The following R3HDM1 variants were observed in gnomAD, a reference collection of about 807,000 sequenced individuals.
The protein encoded by R3HDM1 is R3H domain-containing protein 1.
A neutral mutation model predicts 141.1 loss-of-function variants in R3HDM1; 46 were observed. That is an observed-to-expected ratio of 0.33 (90% CI 0.26 to 0.42). The LOEUF is 0.42. Among genes scored for constraint, R3HDM1 ranks in the 10% least tolerant of loss-of-function variants. The pLI is 1.00. For synonymous variants in R3HDM1, 435 were observed against 472.9 expected, an observed-to-expected ratio of 0.92 and a Z score of 1.04; for missense variants, 1,184 against 1,368.3, an observed-to-expected ratio of 0.87 and a Z score of 2.12.
At chr2:135,612,482 GT>G (rs2060636552) in intron 3 of R3HDM1, among the ~76,000 whole-genome samples, 1 of 151,908 alleles carries the variant, frequency 6.6e-6, no homozygotes, top group African/African-American at 2.4e-5. Context: ...GGATTGCTCT[GT>G]TTTTTTCAGT....
In R3HDM1 at chr2:135,699,045, A is replaced by AGATAGATAGATAGATAGATT. The variant is rs202144929; in HGVS notation, c.2460-10388_2460-10387insGATAGATAGATAGATAGATT. On this transcript the variant is annotated intron_variant, in intron 21 of 26. Coordinates refer to ENST00000683871, the MANE Select transcript of R3HDM1 (RefSeq NM_001378107.1). ...TAGATAGATAGATAGATAGATAGAT[A>AGATAGATAGATAGATAGATT]AGATAGATAAGATAGATTGATTAGA... Among the ~76,000 whole-genome samples, 102 of 129,888 alleles carry AGATAGATAGATAGATAGATT rather than the reference A, an allele frequency of 7.9e-4. 2 individuals are homozygous for AGATAGATAGATAGATAGATT. Among genetic ancestry groups the AGATAGATAGATAGATAGATT allele is most frequent in the Non-Finnish European group, 7.5e-4 (48 of 63,618 alleles). 85.2% of individuals were successfully genotyped at this position (129,888 alleles called of 152,430 possible).
intron 19 of R3HDM1, among the ~76,000 whole-genome samples, chr2:135,674,860 G>T (rs1222501654): frequency 6.6e-6 from 1 of 151,434 alleles, no homozygotes; most frequent in African/African-American, 2.4e-5. Context: ...CATGGGAATG[G>T]AACCTCTGCA....
intron 21 of R3HDM1, among the ~76,000 whole-genome samples, chr2:135,697,096 G>A (rs1258711675): frequency 6.6e-6 from 1 of 152,160 alleles, no homozygotes; most frequent in Non-Finnish European, 1.5e-5. Flanking sequence ...AAATACCTAT[G>A]TTGCACCAGC....
chr2:135,647,134 A>G (rs1162134591), intron 16 of R3HDM1, among the ~76,000 whole-genome samples: 1 of 152,184 alleles, frequency 6.6e-6, no homozygotes, highest in Non-Finnish European at 1.5e-5. Context: ...GAAATCAGTT[A>G]ATGTATGTAG....
At chr2:135,710,269 C>G (rs770086303) in intron 23 of R3HDM1, 38 bp downstream of exon 23, 2 of 1,570,150 alleles carry the variant, frequency 1.3e-6, no homozygotes, top group Non-Finnish European at 1.7e-6. Context: ...TGAAACGTTA[C>G]ATTTTTGTTA....
intron 1 of R3HDM1, among the ~76,000 whole-genome samples, chr2:135,583,155 C>A (rs57708813): frequency 0.093 from 14,192 of 152,226 alleles, 913 homozygotes; most frequent in South Asian, 0.31. Flanking sequence ...CCTCAGATTC[C>A]TGAATCTAAT....
At chr2:135,620,556 T>A in intron 5 of R3HDM1, 1 of 983,746 alleles carries the variant, frequency 1.0e-6, no homozygotes, top group South Asian at 4.7e-5. Context: ...AGAAAAGAGA[T>A]GAAAATAGCA....
At chr2:135,670,198 G>A in intron 19 of R3HDM1, 1 of 418,552 alleles carries the variant, frequency 2.4e-6, no homozygotes, top group Non-Finnish European at 3.2e-6. Flanking sequence ...TTGAAGCAAA[G>A]ATAATTATAT....
Position 135,644,486 on chromosome 2 carries a change from G to C in R3HDM1, c.1475-893G>C, listed in dbSNP as rs1289347763. ...CACCACTGCACTCCAGCCTGGGCCG[G>C]GCAACAGAGTGAGACTGTCTCAAAA... On this transcript the variant is annotated intron_variant, in intron 15 of 26. Coordinates refer to ENST00000683871, the MANE Select transcript of R3HDM1 (RefSeq NM_001378107.1). Among the ~76,000 whole-genome samples, 3 of 151,966 alleles carry C rather than the reference G, an allele frequency of 2.0e-5. No homozygotes were observed. In the East Asian group the frequency reaches 5.8e-4, roughly 29 times the overall value.
At position 135,685,365 on chromosome 2, in the gene R3HDM1, A is replaced by G. The variant is rs143478601; in HGVS notation, c.2459+5041A>G. ...TATGGTACGGCAACATGAACAAAATAGCACACATACACACACTCAAATTGA... is the reference window on the plus strand; with the variant it reads ...TATGGTACGGCAACATGAACAAAATGGCACACATACACACACTCAAATTGA... On this transcript the variant is annotated intron_variant, in intron 21 of 26. Coordinates refer to ENST00000683871, the MANE Select transcript of R3HDM1 (RefSeq NM_001378107.1). Among the ~76,000 whole-genome samples, 457 of 152,296 alleles carry G rather than the reference A, an allele frequency of 3.0e-3. 3 individuals carry two copies. Among genetic ancestry groups the G allele is most frequent in the African/African-American group, 0.01 (426 of 41,560 alleles).
Position 135,651,836 on chromosome 2 carries a change from A to G in R3HDM1, c.1832A>G (p.Gln611Arg). 6.2e-7 allele frequency: 1 copy of G among 1,614,022 alleles called. No homozygotes were observed. The highest frequency in any genetic ancestry group is 8.5e-7 in the Non-Finnish European group (1 of 1,179,998). The change falls in exon 18 of 27, where the codon CAG (glutamine) becomes CGG (arginine). Residue 611 changes from glutamine to arginine, a missense_variant. Coordinates refer to ENST00000683871, the MANE Select transcript of R3HDM1 (RefSeq NM_001378107.1). ...ATGTTCCAGTCCACTGTGGTTCTTC[A>G]GTCTCCACAGCAGTCTGGTTATATC... is the stretch of plus-strand genomic sequence containing the variant. The part of the protein sequence containing the change: ...AAMFQSTVVL[Q>R]SPQQSGYIMT...
In R3HDM1 at chr2:135,547,788, T is replaced by C. The variant is rs1416373636; in HGVS notation, c.-250+16155T>C. ...TTTTCTTTTTTTTTTTTTTTTTTTT[T>C]CTTGAGACAGAGTCTTGCTCTGTCG... is the stretch of plus-strand genomic sequence containing the variant. On this transcript the variant is annotated intron_variant, in intron 1 of 26. Coordinates refer to ENST00000683871, the MANE Select transcript of R3HDM1 (RefSeq NM_001378107.1). Among the ~76,000 whole-genome samples, 285 of 124,918 alleles carry C rather than the reference T, an allele frequency of 2.3e-3. 1 individual carries two copies. Among genetic ancestry groups the C allele is most frequent in the African/African-American group, 0.01 (260 of 25,328 alleles). 82.0% of individuals were successfully genotyped at this position (124,918 alleles called of 152,430 possible).
At position 135,653,827 on chromosome 2, in the gene R3HDM1, G is replaced by A. The variant is rs149858417; in HGVS notation, c.2028+1795G>A. Among the ~76,000 whole-genome samples, 922 of 152,158 alleles carry A rather than the reference G, an allele frequency of 6.1e-3. 6 individuals are homozygous for A. The highest frequency in any genetic ancestry group is 0.02 in the Middle Eastern group (6 of 294). On this transcript the variant is annotated intron_variant, in intron 18 of 26. Coordinates refer to ENST00000683871, the MANE Select transcript of R3HDM1 (RefSeq NM_001378107.1). ...CATGTAATCCTAGCTACTCGGTAGC[G>A]TGAGGCAGGAGAATTATTTGAACCC...
At chr2:135,570,192 C>T (rs898004355) in intron 1 of R3HDM1, among the ~76,000 whole-genome samples, 1 of 152,160 alleles carries the variant, frequency 6.6e-6, no homozygotes, top group East Asian at 1.9e-4. Context: ...CTAAATTATT[C>T]TTATTTTCTG....
intron 1 of R3HDM1, among the ~76,000 whole-genome samples, chr2:135,556,400 G>T (rs1290507682): frequency 3.9e-5 from 6 of 152,112 alleles, no homozygotes; most frequent in Non-Finnish European, 8.8e-5. Context: ...TCTCAGTAGA[G>T]TGGTTTTTTG....
chr2:135,692,988 C>CT (rs1331960547), intron 21 of R3HDM1, among the ~76,000 whole-genome samples: 1 of 151,936 alleles, frequency 6.6e-6, no homozygotes, highest in African/African-American at 2.4e-5. Context: ...TTTAACATAC[C>CT]TACTAGATCT....
At chr2:135,680,124 A>G (rs2069987374) in intron 20 of R3HDM1, 49 bp from the exon 21 acceptor site, 1 of 1,544,024 alleles carries the variant, frequency 6.5e-7, no homozygotes, top group African/African-American at 1.4e-5. Context: ...AACATTTACA[A>G]GGCCTTGAAA....
intron 21 of R3HDM1, among the ~76,000 whole-genome samples, chr2:135,709,146 T>C (rs1262032154): frequency 4.6e-5 from 7 of 151,604 alleles, no homozygotes; most frequent in Non-Finnish European, 7.4e-5. Context: ...CAATCTCGGC[T>C]CACTGCAAGC....
chr2:135,607,596 C>A (rs1393914685), intron 3 of R3HDM1, among the ~76,000 whole-genome samples: 1 of 152,200 alleles, frequency 6.6e-6, no homozygotes, highest in Non-Finnish European at 1.5e-5. Flanking sequence ...TGCTAAAATT[C>A]TAGTGCATTT....
Sources: gnomAD v4.1 joint callset for allele counts (sites outside exome capture counted in the v4.1 genomes callset) on GRCh38, gnomAD v4.1.1 for gene constraint, MANE v1.5 for transcripts, NCBI Gene and HGNC (gene_info 2026-07-23, HGNC 2026-07-21) for gene names.